OSBPL8: variants seen among roughly 807,000 people sequenced by gnomAD.
OSBPL8 encodes the protein oxysterol binding protein like 8, also known as oxysterol-binding protein-related protein 8.
Under a neutral mutation model 125.5 loss-of-function variants are expected in OSBPL8, and 59 were observed. The observed-to-expected ratio is 0.47, with a 90% CI of 0.38 to 0.58. The LOEUF is 0.58. Among genes scored for constraint, OSBPL8 ranks in the 20% least tolerant of loss-of-function variants. The pLI is 0.00. For missense variants in OSBPL8, 758 were observed against 1,047.8 expected (o/e 0.72, Z 3.82); for synonymous variants, 330 against 338.9 (o/e 0.97, Z 0.29).
At chr12:76,397,610 C>T in intron 8 of OSBPL8, 84 bp downstream of exon 8, 1 of 1,331,818 alleles carries the variant, frequency 7.5e-7, no homozygotes, top group South Asian at 1.4e-5. Context: ...TGGCAGAGGA[C>T]TAAACTCATT....
chr12:76,538,334 TA>T (rs1950553937), intron 1 of OSBPL8, among the ~76,000 whole-genome samples: 1 of 152,332 alleles, frequency 6.6e-6, no homozygotes, highest in African/African-American at 2.4e-5. Context: ...ATATATTCAC[TA>T]AAAGTATATA....
chr12:76,536,736 G>A (rs73385566), intron 1 of OSBPL8, among the ~76,000 whole-genome samples: 5,949 of 151,492 alleles, frequency 0.039, 354 homozygotes, highest in African/African-American at 0.13. Context: ...GCAGAAGAAC[G>A]GAGGCGGAAA....
intron 4 of OSBPL8, among the ~76,000 whole-genome samples, chr12:76,424,479 T>C (rs183409706): frequency 7.2e-5 from 11 of 152,346 alleles, no homozygotes; most frequent in Non-Finnish European, 1.5e-4. Context: ...ACATTATTAT[T>C]AACTGTAGAC....
intron 9 of OSBPL8, among the ~76,000 whole-genome samples, chr12:76,393,808 G>A (rs1246909022): frequency 6.6e-6 from 1 of 151,388 alleles, no homozygotes; most frequent in African/African-American, 2.4e-5. Context: ...CGAATCATGA[G>A]GGCAAGAGTG....
chr12:76,434,199 C>T (rs1393752666), intron 4 of OSBPL8, among the ~76,000 whole-genome samples: 1 of 152,004 alleles, frequency 6.6e-6, no homozygotes, highest in African/African-American at 2.4e-5. Flanking sequence ...GAAATAAGCC[C>T]ACACATTATG....
intron 21 of OSBPL8, among the ~76,000 whole-genome samples, chr12:76,365,194 G>A (rs1287456367): frequency 2.6e-5 from 4 of 152,102 alleles, no homozygotes; most frequent in African/African-American, 7.2e-5. Context: ...CCTCCGCCTC[G>A]GCCTCCCAAA....
chr12:76,544,076 A>G (rs1669238309), intron 1 of OSBPL8, among the ~76,000 whole-genome samples: 1 of 152,200 alleles, frequency 6.6e-6, no homozygotes, highest in Admixed American at 6.5e-5. Context: ...ACTTTAATAC[A>G]GCAGAATTAA....
At chr12:76,388,124 G>A (rs1953397374) in intron 12 of OSBPL8, among the ~76,000 whole-genome samples, 1 of 152,146 alleles carries the variant, frequency 6.6e-6, no homozygotes, top group African/African-American at 2.4e-5. Flanking sequence ...CCTTATATGG[G>A]TGGATGTATC....
At chr12:76,466,864 G>A (rs1046759268) in intron 2 of OSBPL8, among the ~76,000 whole-genome samples, 1 of 151,896 alleles carries the variant, frequency 6.6e-6, no homozygotes, top group African/African-American at 2.4e-5. Context: ...GGAGGCTGAG[G>A]CAGGAGAATC....
chr12:76,401,265 C>T (rs1486783210), intron 6 of OSBPL8, among the ~76,000 whole-genome samples: 1 of 152,132 alleles, frequency 6.6e-6, no homozygotes, highest in Non-Finnish European at 1.5e-5. Context: ...CCTATAGAAA[C>T]ATGTAGATGT....
chr12:76,430,366 G>C (rs1276926878), intron 4 of OSBPL8, among the ~76,000 whole-genome samples: 4 of 152,130 alleles, frequency 2.6e-5, no homozygotes, highest in Admixed American at 2.6e-4. Flanking sequence ...CAATGTCAGA[G>C]GTAGTACCAT....
intron 2 of OSBPL8, among the ~76,000 whole-genome samples, chr12:76,462,654 C>T (rs986678306): frequency 9.2e-5 from 14 of 151,776 alleles, no homozygotes; most frequent in Non-Finnish European, 1.9e-4. Flanking sequence ...TAATATATAG[C>T]ATAAAAACTA....
intron 1 of OSBPL8, among the ~76,000 whole-genome samples, chr12:76,500,541 T>A (rs1215116651): frequency 6.6e-6 from 1 of 152,220 alleles, no homozygotes; most frequent in Non-Finnish European, 1.5e-5. Flanking sequence ...AAATTGCATA[T>A]GTTCCTATCT....
intron 3 of OSBPL8, among the ~76,000 whole-genome samples, chr12:76,452,119 A>G (rs551760363): frequency 4.0e-5 from 6 of 151,110 alleles, no homozygotes; most frequent in African/African-American, 1.5e-4. Flanking sequence ...CTCCACCTCA[A>G]AAAAAAAAGA....
chr12:76,498,340 AACAGT>A (rs1440483730), intron 1 of OSBPL8, among the ~76,000 whole-genome samples: 1 of 152,206 alleles, frequency 6.6e-6, no homozygotes, highest in African/African-American at 2.4e-5. Flanking sequence ...AACTGTACAT[AACAGT>A]ATTAATTTAG....
chr12:76,414,754 G>A (rs985417320), intron 4 of OSBPL8, among the ~76,000 whole-genome samples: 1 of 151,946 alleles, frequency 6.6e-6, no homozygotes, highest in Non-Finnish European at 1.5e-5. Context: ...TGTCCAGCTG[G>A]AACAGGTACT....
chr12:76,528,791 T>C (rs1232390249), intron 1 of OSBPL8, among the ~76,000 whole-genome samples: 1 of 151,924 alleles, frequency 6.6e-6, no homozygotes, highest in African/African-American at 2.4e-5. Flanking sequence ...AAGGCAGAGG[T>C]TGCAGTGAGC....
At chr12:76,449,434 T>C (rs889312392) in intron 4 of OSBPL8, among the ~76,000 whole-genome samples, 7 of 152,226 alleles carry the variant, frequency 4.6e-5, no homozygotes, top group Non-Finnish European at 8.8e-5. Flanking sequence ...AAAACTAGTT[T>C]CATAATACTT....
intron 4 of OSBPL8, among the ~76,000 whole-genome samples, chr12:76,429,784 C>A (rs577998796): frequency 1.3e-5 from 2 of 152,116 alleles, no homozygotes; most frequent in Admixed American, 1.3e-4. Flanking sequence ...AGAATTCAGC[C>A]ATGGGAATAA....
Sources: gnomAD v4.1 joint callset for allele counts (sites outside exome capture counted in the v4.1 genomes callset) on GRCh38, gnomAD v4.1.1 for gene constraint, MANE v1.5 for transcripts, NCBI Gene and HGNC (gene_info 2026-07-23, HGNC 2026-07-21) for gene names.